The following WDR53 variants were observed in gnomAD, a reference collection of about 807,000 sequenced individuals.
The protein encoded by WDR53 is WD repeat domain 53.
A neutral mutation model predicts 21.3 loss-of-function variants in WDR53; 19 were observed. The ratio of observed to expected loss-of-function variants is 0.89; its 90% CI spans 0.62 to 1.31. The LOEUF (loss-of-function observed/expected upper bound fraction) is 1.31, where lower values mean the gene tolerates loss of function less well. Among genes scored for constraint, WDR53 ranks in the 50% most tolerant of loss-of-function variants. The probability of loss-of-function intolerance (pLI) is 0.00; values close to 1 mark genes in which losing one functional copy is unlikely to be tolerated. For synonymous variants in WDR53, 157 were observed against 163.4 expected (o/e 0.96, Z 0.30); for missense variants, 374 against 423.2 (o/e 0.88, Z 1.02).
At position 196,555,935 on chromosome 3, in the gene WDR53, CT is replaced by C. The variant is rs1256693566; in HGVS notation, c.481-1129del. On this transcript the variant is annotated intron_variant, in intron 3 of 3. Coordinates refer to ENST00000332629, the MANE Select transcript of WDR53 (RefSeq NM_182627.3). ...GGATTTATAACATTATACTATGTGA[CT>C]AACAATCACTGTTTGGGTGAAGTTA... 2.9e-4 allele frequency among the ~76,000 whole-genome samples: 44 copies of C among 152,054 alleles called. No individual in the cohort carries two copies. In the South Asian group the frequency reaches 2.9e-3, roughly 10 times the overall value.
chr3:196,560,888 T>A, intron 3 of WDR53, 108 bp downstream of exon 3: 2 of 1,361,564 alleles, frequency 1.5e-6, no homozygotes, highest in Non-Finnish European at 2.0e-6. Context: ...TAAATGGATA[T>A]GTTAGTAGAA....
chr3:196,566,276 G>A (rs1044388770), intron 2 of WDR53, among the ~76,000 whole-genome samples: 3 of 151,732 alleles, frequency 2.0e-5, no homozygotes, highest in African/African-American at 4.8e-5. Context: ...TTTTTGTAGA[G>A]ACAGGATTTC....
intron 3 of WDR53, among the ~76,000 whole-genome samples, chr3:196,557,771 T>C (rs1043619341): frequency 4.2e-5 from 6 of 144,430 alleles, no homozygotes; most frequent in African/African-American, 1.5e-4. Context: ...ATTTATTTAA[T>C]TTTTTTTCTT....
intron 3 of WDR53, among the ~76,000 whole-genome samples, chr3:196,556,112 C>G (rs1288110144): frequency 6.6e-6 from 1 of 152,044 alleles, no homozygotes; most frequent in African/African-American, 2.4e-5. Flanking sequence ...GTGGCATGAC[C>G]ATGGCTCACT....
At chr3:196,565,133 C>T (rs1735254384) in intron 2 of WDR53, among the ~76,000 whole-genome samples, 1 of 152,128 alleles carries the variant, frequency 6.6e-6, no homozygotes, top group South Asian at 2.1e-4. Context: ...CTATTAGTCT[C>T]ACAAGACCCC....
In WDR53 at chr3:196,554,616, A is replaced by G; in HGVS notation, c.672T>C (p.Phe224=). 6.2e-7 allele frequency: 1 copy of G among 1,614,144 alleles called. No homozygotes were observed. Among genetic ancestry groups the G allele is most frequent in the African/African-American group, 1.3e-5 (1 of 75,022 alleles). ...GTTCACACTTAACTCCCATCACCCGAAAGATTCGAACCTTACCATCTTCTG... is the reference window on the plus strand; with the variant it reads ...GTTCACACTTAACTCCCATCACCCGGAAGATTCGAACCTTACCATCTTCTG... ...CGAEDGKVRI[F]RVMGVKCEQE... Residue 224 remains phenylalanine (F), a synonymous_variant, in exon 4 of 4, where the codon TTT becomes TTC. Coordinates refer to ENST00000332629, the MANE Select transcript of WDR53 (RefSeq NM_182627.3).
intron 3 of WDR53, among the ~76,000 whole-genome samples, chr3:196,556,585 G>C (rs1734337649): frequency 6.6e-6 from 1 of 151,426 alleles, no homozygotes; most frequent in Admixed American, 6.6e-5. Context: ...GAACCTGGGA[G>C]GCAGAGCTTG....
rs540157000 is a variant in WDR53 at position 196,559,886 on chromosome 3, T to TA, written c.480+1109dup. Among the ~76,000 whole-genome samples the TA allele has an allele frequency of 2.2e-4, 33 of 152,108 alleles. 1 individual carries two copies. The highest frequency in any genetic ancestry group is 3.4e-3 in the Middle Eastern group (1 of 294). On this transcript the variant is annotated intron_variant, in intron 3 of 3. Coordinates refer to ENST00000332629, the MANE Select transcript of WDR53 (RefSeq NM_182627.3). ...TGTGAATTTCAGTTTCTTTATTTAT[T>TA]AAAAAAAATAACTAGGAGGGTGTGA...
At chr3:196,564,121 A>G (rs931986271) in intron 2 of WDR53, among the ~76,000 whole-genome samples, 1 of 152,178 alleles carries the variant, frequency 6.6e-6, no homozygotes, top group African/African-American at 2.4e-5. Flanking sequence ...AATGACTCAG[A>G]GGGAGGTAAA....
chr3:196,566,564 C>G (rs926469563), intron 2 of WDR53, among the ~76,000 whole-genome samples: 11 of 152,158 alleles, frequency 7.2e-5, no homozygotes, highest in Admixed American at 5.9e-4. Flanking sequence ...CAGGCATGCA[C>G]CACCACGCCC....
chr3:196,561,965 G>A (rs1168886682), intron 2 of WDR53, among the ~76,000 whole-genome samples: 1 of 152,190 alleles, frequency 6.6e-6, no homozygotes, highest in African/African-American at 2.4e-5. Context: ...TCTATAAAAT[G>A]AGGATAATAA....
intron 3 of WDR53, among the ~76,000 whole-genome samples, chr3:196,559,894 AT>A (rs1734663654): frequency 6.6e-6 from 1 of 152,212 alleles, no homozygotes; most frequent in Non-Finnish European, 1.5e-5. Context: ...ATTAAAAAAA[AT>A]AACTAGGAGG....
At chr3:196,556,050 T>C (rs368710615) in intron 3 of WDR53, among the ~76,000 whole-genome samples, 1 of 151,838 alleles carries the variant, frequency 6.6e-6, no homozygotes, top group Non-Finnish European at 1.5e-5. Flanking sequence ...GATATGAAAA[T>C]AGTTTTTTTT....
chr3:196,561,623 A>T (rs77492132), intron 2 of WDR53, 132 bp from the exon 3 acceptor site: 12 of 418,888 alleles, frequency 2.9e-5, no homozygotes, highest in Middle Eastern at 7.8e-4. Context: ...TCAATTAATT[A>T]AAAAAAAAAA....
At chr3:196,559,123 G>C (rs1734593058) in intron 3 of WDR53, among the ~76,000 whole-genome samples, 1 of 152,220 alleles carries the variant, frequency 6.6e-6, no homozygotes, top group Non-Finnish European at 1.5e-5. Flanking sequence ...ATGAACCACT[G>C]ATGGAAAAGT....
Position 196,564,398 on chromosome 3 carries a change from T to TTC in WDR53, c.-17+2478_-17+2479insGA, listed in dbSNP as rs1560308808. Among the ~76,000 whole-genome samples, 40 of 14,552 alleles carry TTC rather than the reference T, an allele frequency of 2.7e-3. 1 individual carries two copies. The highest frequency in any genetic ancestry group is 0.018 in the Admixed American group (26 of 1,454). 9.5% of individuals were successfully genotyped at this position (14,552 alleles called of 152,430 possible). A position where few individuals can be genotyped will look rare whatever the true frequency, so the allele number is the denominator to read the frequency against. On this transcript the variant is annotated intron_variant, in intron 2 of 3. Transcript: ENST00000332629. Reference sequence around the variant, plus strand: ...ATTTCAATTTTTTTTCTTTTTTCTTTTTTTTTTTTTTTTGAGACAGGGTCT... The same window carrying TTC: ...ATTTCAATTTTTTTTCTTTTTTCTTTTCTTTTTTTTTTTTTGAGACAGGGTCT...
intron 2 of WDR53, among the ~76,000 whole-genome samples, chr3:196,563,576 T>G (rs1419274442): frequency 2.0e-5 from 1 of 49,538 alleles, no homozygotes; most frequent in Non-Finnish European, 5.0e-5. Flanking sequence ...AACACAAAGC[T>G]TTTTTTTTTT....
In WDR53 at chr3:196,561,247, C is replaced by T; in HGVS notation, c.229G>A (p.Val77Ile). ...TCTTTGAGGGACCTGACATCCAGTA[C>T]ACTAATGGTTTCTCCATGTGAGGCA... The part of the protein sequence containing the change: ...LYASHGETIS[V>I]LDVRSLKDSL... Residue 77 changes from valine (V) to isoleucine (I), a missense_variant, in exon 3 of 4, where the codon GTA becomes ATA. Val to Ile is a conservative substitution (Grantham distance 29). Transcript: ENST00000332629. 2 of 1,614,198 alleles carry T rather than the reference C, an allele frequency of 1.2e-6. No individual in the cohort carries two copies. The highest frequency in any genetic ancestry group is 1.7e-6 in the Non-Finnish European group (2 of 1,180,044).
rs761787471 is a variant in WDR53, at chr3:196,561,059, G to A, written c.417C>T (p.Cys139=). The A allele has an allele frequency of 4.5e-5, 73 of 1,614,116 alleles. No individual in the cohort carries two copies. The highest frequency in any genetic ancestry group is 1.6e-4 in the Middle Eastern group (1 of 6,084). ...TCTGAGGCCGAAAAGCCACTGAGGA[G>A]CAGATATTGGAATGTCTCTTCAAGG... is the stretch of plus-strand genomic sequence containing the variant. The part of the protein sequence containing the change: ...IRSLKRHSNI[C]SSVAFRPQRP... The change falls in exon 3 of 4, where the codon TGC becomes TGT. Residue 139 remains cysteine (C), a synonymous_variant. Transcript: ENST00000332629.
Sources: allele counts gnomAD v4.1 joint callset (sites outside exome capture counted in the v4.1 genomes callset), GRCh38; gene constraint gnomAD v4.1.1; transcripts MANE v1.5; gene names NCBI Gene and HGNC (gene_info 2026-07-23, HGNC 2026-07-21).